CRPPA: variants seen among roughly 807,000 people sequenced by gnomAD.
CRPPA encodes CDP-L-ribitol pyrophosphorylase A.
A neutral mutation model predicts 52.0 loss-of-function variants in CRPPA; 43 were observed. That is an observed-to-expected ratio of 0.83 (90% CI 0.65 to 1.07). CRPPA has a LOEUF of 1.07. CRPPA is among the 50% of genes least tolerant of loss of function. The pLI is 0.00. For synonymous variants in CRPPA, 250 were observed against 203.5 expected (o/e 1.23, Z -1.94); for missense variants, 629 against 551.7 (o/e 1.14, Z -1.40).
In CRPPA at chr7:16,421,318, T is replaced by C. The variant is rs544212806; in HGVS notation, c.5A>G (p.Glu2Gly). 1.6e-6 allele frequency: 2 copies of C among 1,252,986 alleles called. No individual in the cohort carries two copies. Among genetic ancestry groups the C allele is most frequent in the Non-Finnish European group, 1.0e-6 (1 of 995,160 alleles). 77.6% of individuals were successfully genotyped at this position (1,252,986 alleles called of 1,614,324 possible). A position where few individuals can be genotyped will look rare whatever the true frequency, so the allele number is the denominator to read the frequency against. ...CCTGGCGCTGCCCGGCGGCCCGGCC[T>C]CCATGGCTGCGGGCGGAACGGCGAG... is the stretch of plus-strand genomic sequence containing the variant. M[E>G]AGPPGSARPA... Residue 2 changes from glutamate to glycine, a missense_variant, in exon 1 of 10, where the codon GAG becomes GGG. By Grantham distance (98) the Glu-to-Gly change is moderately conservative. Transcript: ENST00000407010.
At chr7:16,208,170 A>T (rs1782018875) in intron 9 of CRPPA, among the ~76,000 whole-genome samples, 1 of 152,194 alleles carries the variant, frequency 6.6e-6, no homozygotes, top group South Asian at 2.1e-4. Context: ...ATGATGCTTT[A>T]ATTAAAACAT....
intron 8 of CRPPA, among the ~76,000 whole-genome samples, chr7:16,253,905 A>G (rs1783534758): frequency 6.6e-6 from 1 of 152,038 alleles, no homozygotes; most frequent in South Asian, 2.1e-4. Context: ...AAAACAAACA[A>G]CCCCATCAAA....
At chr7:16,337,216 T>C (rs188391345) in intron 3 of CRPPA, among the ~76,000 whole-genome samples, 1 of 152,154 alleles carries the variant, frequency 6.6e-6, no homozygotes, top group Non-Finnish European at 1.5e-5. Flanking sequence ...AGATTACATG[T>C]TACACCACAA....
chr7:16,350,985 T>C (rs1300509347), intron 3 of CRPPA, among the ~76,000 whole-genome samples: 1 of 151,920 alleles, frequency 6.6e-6, no homozygotes, highest in Non-Finnish European at 1.5e-5. Flanking sequence ...GGCCAAAAAC[T>C]GTAAAAACAG....
chr7:16,353,283 T>C (rs934092959), intron 3 of CRPPA, among the ~76,000 whole-genome samples: 1 of 151,404 alleles, frequency 6.6e-6, no homozygotes, highest in African/African-American at 2.4e-5. Flanking sequence ...AGCCCAGGAG[T>C]AGAGGGTGCA....
chr7:16,124,193 G>T (rs1609079), intron 9 of CRPPA, among the ~76,000 whole-genome samples: 3,228 of 149,626 alleles, frequency 0.022, 118 homozygotes, highest in African/African-American at 0.074. Flanking sequence ...GTGTGTACGA[G>T]TTCCATTTTC....
intron 8 of CRPPA, among the ~76,000 whole-genome samples, chr7:16,239,774 C>T (rs563327543): frequency 6.0e-4 from 91 of 152,192 alleles, no homozygotes; most frequent in Non-Finnish European, 8.5e-4. Context: ...AAAATAAATT[C>T]ACAATCTTGC....
At chr7:16,287,197 A>T (rs766788669) in intron 5 of CRPPA, among the ~76,000 whole-genome samples, 3 of 152,212 alleles carry the variant, frequency 2.0e-5, no homozygotes, top group Non-Finnish European at 4.4e-5. Context: ...CACAGGCATA[A>T]AATTGTCAAC....
intron 9 of CRPPA, among the ~76,000 whole-genome samples, chr7:16,189,383 T>C (rs1209564805): frequency 6.6e-6 from 1 of 152,016 alleles, no homozygotes; most frequent in African/African-American, 2.4e-5. Flanking sequence ...ACAAGAAAAA[T>C]TCAGAATGTA....
At chr7:16,129,183 A>T (rs1370444675) in intron 9 of CRPPA, among the ~76,000 whole-genome samples, 1 of 152,072 alleles carries the variant, frequency 6.6e-6, no homozygotes, top group Non-Finnish European at 1.5e-5. Flanking sequence ...GCTCATTTTC[A>T]GTCCTTTGAA....
At chr7:16,289,993 T>C (rs961675875) in intron 5 of CRPPA, among the ~76,000 whole-genome samples, 4 of 152,022 alleles carry the variant, frequency 2.6e-5, no homozygotes, top group African/African-American at 7.2e-5. Context: ...AAATTCAACA[T>C]ACAAAAATCA....
At chr7:16,258,611 A>G (rs1347970246) in intron 7 of CRPPA, 129 bp from the exon 8 acceptor site, 1 of 622,898 alleles carries the variant, frequency 1.6e-6, no homozygotes, top group Non-Finnish European at 2.6e-6. Flanking sequence ...TTTAATTTAG[A>G]AACAATTTTA....
At chr7:16,325,722 G>T (rs1295869478) in intron 3 of CRPPA, among the ~76,000 whole-genome samples, 1 of 151,960 alleles carries the variant, frequency 6.6e-6, no homozygotes, top group Non-Finnish European at 1.5e-5. Context: ...TCTCCATAAT[G>T]GCTCATCATC....
chr7:16,230,033 T>A (rs993211768), intron 8 of CRPPA, among the ~76,000 whole-genome samples: 1 of 152,162 alleles, frequency 6.6e-6, no homozygotes, highest in Non-Finnish European at 1.5e-5. Flanking sequence ...TCCTTTATGT[T>A]ATCTGCTTCC....
chr7:16,232,055 G>C (rs1032931197), intron 8 of CRPPA, among the ~76,000 whole-genome samples: 1 of 152,170 alleles, frequency 6.6e-6, no homozygotes, highest in African/African-American at 2.4e-5. Flanking sequence ...TTCACAGTGA[G>C]AGAGCTCTAT....
rs78068716 is a variant in CRPPA, at chr7:16,199,628, T to G, written c.1251+16438A>C. 7.1e-3 allele frequency among the ~76,000 whole-genome samples: 1,074 copies of G among 151,106 alleles called. 14 individuals carry two copies. Among genetic ancestry groups the G allele is most frequent in the African/African-American group, 0.025 (1,020 of 41,182 alleles). On this transcript the variant is annotated intron_variant, in intron 9 of 9. Transcript: ENST00000407010. ...ATCTCATTTCTATGTAGAATCTGCA[T>G]GTTTCCTGTGCATATGCTCAAACCA...
At chr7:16,226,598 C>A (rs1375896166) in intron 8 of CRPPA, among the ~76,000 whole-genome samples, 1 of 151,686 alleles carries the variant, frequency 6.6e-6, no homozygotes, top group South Asian at 2.1e-4. Context: ...AAATAAAACT[C>A]AGGTCATCAG....
chr7:16,286,080 TA>T (rs1180610582), intron 5 of CRPPA, among the ~76,000 whole-genome samples: 374 of 17,490 alleles, frequency 0.021, 46 homozygotes, highest in African/African-American at 0.13. Context: ...TATATATATA[TA>T]ATATTTAAAA....
At chr7:16,147,037 T>G (rs1189178952) in intron 9 of CRPPA, among the ~76,000 whole-genome samples, 3 of 152,198 alleles carry the variant, frequency 2.0e-5, no homozygotes, top group Non-Finnish European at 4.4e-5. Flanking sequence ...GAACTCATTT[T>G]CAGGGTGAAA....
Sources: gnomAD v4.1 joint callset for allele counts (sites outside exome capture counted in the v4.1 genomes callset) on GRCh38, gnomAD v4.1.1 for gene constraint, MANE v1.5 for transcripts, NCBI Gene and HGNC (gene_info 2026-07-23, HGNC 2026-07-21) for gene names.